The following PRH1 variants were observed in gnomAD, a reference collection of about 807,000 sequenced individuals.
The protein encoded by PRH1 is proline rich protein HaeIII subfamily 1.
In PRH1, 7 loss-of-function variants were observed where a neutral mutation model predicts 7.9. The ratio of observed to expected loss-of-function variants is 0.89; its 90% CI spans 0.50 to 1.67. The LOEUF (loss-of-function observed/expected upper bound fraction) is 1.67, where lower values mean the gene tolerates loss of function less well. Ranked by LOEUF, PRH1 falls within the 40% of genes most tolerant of loss-of-function variation. The probability of loss-of-function intolerance (pLI) is 0.00; values close to 1 mark genes in which losing one functional copy is unlikely to be tolerated. For synonymous variants in PRH1, 45 were observed against 80.8 expected (o/e 0.56, Z 2.38); for missense variants, 109 against 223.6 (o/e 0.49, Z 3.27).
upstream of PRH1, among the ~76,000 whole-genome samples, chr12:10,884,496 C>T (rs546922912): frequency 1.3e-5 from 2 of 152,262 alleles, no homozygotes; most frequent in South Asian, 4.1e-4. Context: ...GGAACTGTGT[C>T]CAAGCAGTCG....
intron 1 of PRH1, among the ~76,000 whole-genome samples, chr12:11,085,728 C>G (rs111735324): frequency 5.8e-5 from 6 of 103,168 alleles, no homozygotes; most frequent in South Asian, 2.6e-4. Context: ...TGAAGTGAAA[C>G]CTGAATTCTC....
chr12:10,987,385 T>C (rs1377143166), intron 1 of PRH1, among the ~76,000 whole-genome samples: 1 of 152,078 alleles, frequency 6.6e-6, no homozygotes, highest in Non-Finnish European at 1.5e-5. Context: ...TTATGCTACA[T>C]TTAAACAGAC....
At chr12:10,945,103 T>C (rs1474855319) in intron 2 of PRH1, among the ~76,000 whole-genome samples, 1 of 152,160 alleles carries the variant, frequency 6.6e-6, no homozygotes, top group Admixed American at 6.6e-5. Flanking sequence ...CCTCCTAAAC[T>C]TTTTGGATTA....
At chr12:10,885,211 C>T (rs1406079130), upstream of PRH1, among the ~76,000 whole-genome samples, 1 of 152,170 alleles carries the variant, frequency 6.6e-6, no homozygotes, top group Non-Finnish European at 1.5e-5. Context: ...CCTCAATTGC[C>T]TTGATTGGTC....
intron 1 of PRH1, among the ~76,000 whole-genome samples, chr12:11,155,718 A>G (rs1177236812): frequency 6.6e-6 from 1 of 152,120 alleles, no homozygotes; most frequent in East Asian, 1.9e-4. Context: ...TTGTTCCATT[A>G]TATGAATTTG....
intron 2 of PRH1, among the ~76,000 whole-genome samples, chr12:10,957,784 C>T (rs1387241093): frequency 2.6e-5 from 4 of 152,052 alleles, no homozygotes; most frequent in African/African-American, 7.2e-5. Flanking sequence ...TGAAGACATA[C>T]ACTCAGCCAA....
At chr12:11,141,694 T>C (rs997785072) in intron 1 of PRH1, among the ~76,000 whole-genome samples, 4 of 152,198 alleles carry the variant, frequency 2.6e-5, no homozygotes, top group Non-Finnish European at 5.9e-5. Context: ...GCTTTCAATT[T>C]TACCTTCTGG....
chr12:11,064,344 T>C (rs1249569656), intron 1 of PRH1, among the ~76,000 whole-genome samples: 1 of 152,178 alleles, frequency 6.6e-6, no homozygotes, highest in Non-Finnish European at 1.5e-5. Context: ...TAGTTGCAAG[T>C]ACATGTGATT....
At chr12:11,169,764 G>A (rs1486949466) in intron 1 of PRH1, among the ~76,000 whole-genome samples, 1 of 151,946 alleles carries the variant, frequency 6.6e-6, no homozygotes, top group Non-Finnish European at 1.5e-5. Context: ...ATTTTACATC[G>A]CTCTTCAGTC....
chr12:11,069,032 C>A (rs67782029), intron 1 of PRH1, among the ~76,000 whole-genome samples: 53,879 of 94,330 alleles, frequency 0.57, 15,088 homozygotes, highest in Non-Finnish European at 0.69. Flanking sequence ...ATCCTCCCAC[C>A]TTAGCCTCCC....
intron 2 of PRH1, among the ~76,000 whole-genome samples, chr12:10,951,508 G>C (rs1477332376): frequency 6.6e-6 from 1 of 152,132 alleles, no homozygotes; most frequent in East Asian, 1.9e-4. Flanking sequence ...ACATGAATGG[G>C]AATAGTTTTT....
intron 1 of PRH1, chr12:10,997,957 A>C: frequency 1.2e-6 from 1 of 806,082 alleles, no homozygotes; most frequent in Non-Finnish European, 1.9e-6. Context: ...TTTAAGTTAA[A>C]TATGCACTTG....
At chr12:10,993,652 G>A (rs966566369) in intron 1 of PRH1, among the ~76,000 whole-genome samples, 22 of 142,932 alleles carry the variant, frequency 1.5e-4, no homozygotes, top group African/African-American at 5.0e-4. Flanking sequence ...GGGAGCCAAC[G>A]TATTCCACAT....
intron 2 of PRH1, among the ~76,000 whole-genome samples, chr12:10,900,093 A>G (rs1428566594): frequency 6.6e-6 from 1 of 152,200 alleles, no homozygotes; most frequent in East Asian, 1.9e-4. Context: ...CAGAATCATA[A>G]GGACACACAG....
intron 1 of PRH1, among the ~76,000 whole-genome samples, chr12:11,152,854 T>A (rs780186533): frequency 1.3e-5 from 2 of 152,202 alleles, no homozygotes; most frequent in Non-Finnish European, 2.9e-5. Flanking sequence ...ACCATGAGAA[T>A]AGCCACAGCT....
At chr12:11,144,063 G>A (rs572861380) in intron 1 of PRH1, among the ~76,000 whole-genome samples, 3 of 152,148 alleles carry the variant, frequency 2.0e-5, no homozygotes, top group Non-Finnish European at 2.9e-5. Context: ...TGTGCTGGTT[G>A]GCCTCCTACC....
In PRH1 at chr12:11,097,041, G is replaced by A. The variant is rs1372904727; in HGVS notation, n.124-49853C>T. On this transcript the variant is annotated intron_variant and non_coding_transcript_variant, in intron 1 of 4. Coordinates refer to the PRH1 transcript ENST00000541977. Reference sequence around the variant, plus strand: ...TCTGGATCTCCTGACCTGATGATCCGCCCACCTAGGCCTCCCAAAGTGCTG... The same window carrying A: ...TCTGGATCTCCTGACCTGATGATCCACCCACCTAGGCCTCCCAAAGTGCTG... 26 of 124,420 alleles carry A rather than the reference G, an allele frequency of 2.1e-4. 7 individuals carry two copies. Among genetic ancestry groups the A allele is most frequent in the Non-Finnish European group, 4.2e-4 (22 of 53,002 alleles). 7.7% of individuals were successfully genotyped at this position (124,420 alleles called of 1,614,324 possible).
intron 2 of PRH1, among the ~76,000 whole-genome samples, chr12:10,943,719 T>G (rs559369656): frequency 7.9e-5 from 12 of 152,316 alleles, no homozygotes; most frequent in African/African-American, 2.6e-4. Flanking sequence ...CATTTAGGTC[T>G]TTAATCCATT....
chr12:10,979,914 C>G (rs1939274969), intron 1 of PRH1, among the ~76,000 whole-genome samples: 1 of 152,068 alleles, frequency 6.6e-6, no homozygotes, highest in African/African-American at 2.4e-5. Context: ...GTAGGAGAAA[C>G]AGATTTGGGG....
Sources: gnomAD v4.1 joint callset for allele counts (sites outside exome capture counted in the v4.1 genomes callset) on GRCh38, gnomAD v4.1.1 for gene constraint, MANE v1.5 for transcripts, NCBI Gene and HGNC (gene_info 2026-07-23, HGNC 2026-07-21) for gene names.